TG: variants seen among roughly 807,000 people sequenced by gnomAD.
TG encodes the protein thyroid hormones.
TG carries 270 observed loss-of-function variants against 324.7 expected under a neutral mutation model. The ratio of observed to expected loss-of-function variants is 0.83; its 90% CI spans 0.75 to 0.92. The LOEUF (loss-of-function observed/expected upper bound fraction) is 0.92. TG is among the 40% of genes least tolerant of loss of function. TG has a pLI of 0.00. For missense variants in TG, 3,591 were observed against 3,456.4 expected (o/e 1.04, Z -0.98); for synonymous variants, 1,401 against 1,327.0 (o/e 1.06, Z -1.21).
chr8:133,132,419 G>A (rs1852014631), intron 46 of TG, among the ~76,000 whole-genome samples: 1 of 152,186 alleles, frequency 6.6e-6, no homozygotes, highest in East Asian at 1.9e-4. Context: ...AGTGCCTTGG[G>A]TTTTCAGCTT....
At chr8:133,084,577 G>T (rs775138628) in intron 41 of TG, among the ~76,000 whole-genome samples, 1 of 152,216 alleles carries the variant, frequency 6.6e-6, no homozygotes, top group Non-Finnish European at 1.5e-5. Flanking sequence ...GCCAGAAGGT[G>T]ACAGAGGCAA....
intron 16 of TG, 40 bp downstream of exon 16, chr8:132,901,593 A>T: frequency 1.3e-6 from 2 of 1,592,410 alleles, no homozygotes; most frequent in Non-Finnish European, 1.7e-6. Flanking sequence ...AGGCCTGCAT[A>T]TCTGTTCTTT....
chr8:132,916,631 C>T (rs2687818), intron 20 of TG, among the ~76,000 whole-genome samples: 62,431 of 152,014 alleles, frequency 0.41, 15,688 homozygotes, highest in Admixed American at 0.54. Flanking sequence ...GCTCATGACT[C>T]GTGTAGGCAC....
chr8:133,050,151 C>A (rs1840140170), intron 41 of TG: 2 of 642,558 alleles, frequency 3.1e-6, no homozygotes, highest in Admixed American at 4.6e-5. Context: ...TGAAAATTTT[C>A]TTTTTAAAGG....
In TG at chr8:132,898,179, G is replaced by T; in HGVS notation, c.3150G>T (p.Trp1050Cys). The change falls in exon 13 of 48, where the codon TGG becomes TGT. Residue 1050 changes from tryptophan (W) to cysteine (C), a missense_variant. Physicochemically the swap from Trp to Cys is radical, Grantham distance 215. Transcript: ENST00000220616. ...TTGGCTCTTTTCCAGGGCACTGCTGGTGTGTAGATGAGAAAGGAGGGTTCA... is the reference window on the plus strand; with the variant it reads ...TTGGCTCTTTTCCAGGGCACTGCTGTTGTGTAGATGAGAAAGGAGGGTTCA... ...VQCHAGTGHC[W>C]CVDEKGGFIP... 6.2e-7 allele frequency: 1 copy of T among 1,603,320 alleles called. No homozygotes were observed. The highest frequency in any genetic ancestry group is 8.5e-7 in the Non-Finnish European group (1 of 1,174,720).
At chr8:133,005,285 CA>C (rs1271800503) in intron 35 of TG, among the ~76,000 whole-genome samples, 4 of 151,414 alleles carry the variant, frequency 2.6e-5, no homozygotes, top group Non-Finnish European at 4.4e-5. Flanking sequence ...GACAGGGGGA[CA>C]GGGGGACAGT....
At chr8:132,896,064 A>T (rs1383604052) in intron 11 of TG, among the ~76,000 whole-genome samples, 1 of 152,254 alleles carries the variant, frequency 6.6e-6, no homozygotes, top group Non-Finnish European at 1.5e-5. Context: ...TGAGGGCCTA[A>T]TGAGCGTGGC....
rs1049541937 is a variant in TG, at chr8:132,882,731, C to T, written c.890-83C>T. On this transcript the variant is annotated intron_variant, in intron 7 of 47. Transcript: ENST00000220616. ...AAGTGAGGGCAGAGATGAAAAGAAT[C>T]GTTAAGAGCAAACAGCAGTGCATGC... The T allele has an allele frequency of 5.0e-6, 8 of 1,611,334 alleles. No individual in the cohort carries two copies. In the Admixed American group the frequency reaches 1.2e-4, roughly 24 times the overall value.
chr8:133,047,669 C>G, intron 41 of TG: 1 of 644,390 alleles, frequency 1.6e-6, no homozygotes, highest in Non-Finnish European at 2.8e-6. Context: ...TGCTTCCCCA[C>G]TGGCCTCCCC....
At chr8:132,928,584 A>C (rs1375503629) in intron 22 of TG, among the ~76,000 whole-genome samples, 1 of 152,196 alleles carries the variant, frequency 6.6e-6, no homozygotes, top group Non-Finnish European at 1.5e-5. Flanking sequence ...GATGCTAATA[A>C]ATCACTTAAC....
chr8:133,029,458 G>C (rs1836415664), intron 40 of TG, among the ~76,000 whole-genome samples: 2 of 152,224 alleles, frequency 1.3e-5, no homozygotes, highest in Admixed American at 1.3e-4. Flanking sequence ...GGCCAAGACA[G>C]TGGTGGACCT....
chr8:133,022,442 A>G (rs947585998), intron 40 of TG, among the ~76,000 whole-genome samples: 3 of 152,166 alleles, frequency 2.0e-5, no homozygotes, highest in Non-Finnish European at 4.4e-5. Context: ...TAAAGAGGAA[A>G]TTGAGGCCCA....
intron 43 of TG, among the ~76,000 whole-genome samples, chr8:133,107,954 G>A (rs28376581): frequency 0.29 from 43,079 of 150,676 alleles, 6,474 homozygotes; most frequent in African/African-American, 0.34. Context: ...TCCATGATTG[G>A]GGCCAGTCCT....
intron 35 of TG, among the ~76,000 whole-genome samples, chr8:132,999,008 G>T (rs2130815967): frequency 6.6e-6 from 1 of 152,318 alleles, no homozygotes; most frequent in South Asian, 2.1e-4. Context: ...AGAAGGACTA[G>T]AAGATTTCAT....
chr8:133,096,159 G>A (rs761778333), intron 42 of TG, 47 bp from the exon 43 acceptor site: 1 of 1,605,730 alleles, frequency 6.2e-7, no homozygotes. Flanking sequence ...GCAAAGCAGT[G>A]CAACTGATTA....
At chr8:133,029,752 C>G (rs1220952886) in intron 40 of TG, 69 bp from the exon 41 acceptor site, 1 of 1,597,914 alleles carries the variant, frequency 6.3e-7, no homozygotes, top group Non-Finnish European at 8.6e-7. Flanking sequence ...CTGCCATAGA[C>G]AGCACCATGA....
chr8:133,017,594 T>G (rs1337495996), intron 37 of TG, 184 bp from the exon 38 acceptor site: 5 of 655,776 alleles, frequency 7.6e-6, no homozygotes, highest in African/African-American at 5.5e-5. Context: ...CCATTTTTTT[T>G]GTTTGTTTAC....
At chr8:133,116,251 G>T (rs58098452) in intron 44 of TG, among the ~76,000 whole-genome samples, 9,578 of 152,238 alleles carry the variant, frequency 0.063, 1,015 homozygotes, top group African/African-American at 0.22. Context: ...ACTGTATATT[G>T]CATTTACGTT....
intron 41 of TG, chr8:133,050,839 C>A (rs1458527830): frequency 2.2e-5 from 35 of 1,612,364 alleles, no homozygotes; most frequent in Non-Finnish European, 3.0e-5. Flanking sequence ...GCAGTTTCTC[C>A]CCTCGGCGGA....
Sources: allele counts gnomAD v4.1 joint callset (sites outside exome capture counted in the v4.1 genomes callset), GRCh38; gene constraint gnomAD v4.1.1; transcripts MANE v1.5; gene names NCBI Gene and HGNC (gene_info 2026-07-23, HGNC 2026-07-21).